PSME4: variants seen among roughly 807,000 people sequenced by gnomAD.
PSME4 encodes the protein proteasome activator complex subunit 4.
PSME4 carries 89 observed loss-of-function variants against 253.9 expected under a neutral mutation model. The ratio of observed to expected loss-of-function variants is 0.35; its 90% CI spans 0.30 to 0.42. The LOEUF is 0.42. Ranked by LOEUF, PSME4 falls within the 10% of genes least tolerant of loss-of-function variation. PSME4 has a pLI of 1.00. For missense variants in PSME4, 2,014 were observed against 2,195.2 expected (o/e 0.92, Z 1.65); for synonymous variants, 851 against 759.2 (o/e 1.12, Z -1.99).
Position 53,923,093 on chromosome 2 carries a change from A to C in PSME4, c.1934T>G (p.Leu645Arg). Reference protein sequence around the residue: ...VKCCPEESLKLFVPHCCSVIT... With the variant: ...VKCCPEESLKRFVPHCCSVIT... ...AACACTGCAGCAGTGGGGAACAAAGAGCTTCAAAGATTCTTCTGGGCAGCA... is the reference window on the plus strand; with the variant it reads ...AACACTGCAGCAGTGGGGAACAAAGCGCTTCAAAGATTCTTCTGGGCAGCA... Residue 645 changes from leucine (L) to arginine (R), a missense_variant, in exon 16 of 47, where the codon CTC becomes CGC. Transcript: ENST00000404125. The C allele has an allele frequency of 6.2e-7, 1 of 1,608,446 alleles. No individual in the cohort carries two copies. The highest frequency in any genetic ancestry group is 2.2e-5 in the East Asian group (1 of 44,730).
chr2:53,890,972 A>G (rs1301473393), intron 36 of PSME4, among the ~76,000 whole-genome samples: 1 of 152,196 alleles, frequency 6.6e-6, no homozygotes, highest in Admixed American at 6.5e-5. Flanking sequence ...GGTTGCAGTG[A>G]GCCGAGATCA....
chr2:53,908,891 A>T, intron 21 of PSME4, 51 bp from the exon 22 acceptor site: 1 of 1,374,492 alleles, frequency 7.3e-7, no homozygotes, highest in South Asian at 1.2e-5. Flanking sequence ...TGCTCCTCAG[A>T]CTTTTAAAGT....
At chr2:53,867,738 T>C (rs1168496870) in intron 44 of PSME4, among the ~76,000 whole-genome samples, 1 of 150,896 alleles carries the variant, frequency 6.6e-6, no homozygotes, top group Non-Finnish European at 1.5e-5. Flanking sequence ...AGCATAATTG[T>C]ACCTAGGCCA....
intron 41 of PSME4, among the ~76,000 whole-genome samples, chr2:53,879,955 TA>T (rs1388363860): frequency 1.3e-5 from 2 of 152,158 alleles, no homozygotes; most frequent in Non-Finnish European, 2.9e-5. Context: ...AATTGTGTTT[TA>T]AAAGGTTAAA....
Position 53,887,920 on chromosome 2 carries a change from T to C in PSME4, c.4458A>G (p.Leu1486=). The change falls in exon 39 of 47, where the codon CTA becomes CTG. Residue 1486 remains leucine, a synonymous_variant. Coordinates refer to ENST00000404125, the MANE Select transcript of PSME4 (RefSeq NM_014614.3). ...EWRVPELLHR[L]LKYLEPKLTQ... is the part of the protein sequence containing the mutation. The stretch of plus-strand genomic sequence containing the variant: ...TGAGTTTGGGTTCCAAGTACTTCAG[T>C]AGTCTGTGCAATAGTTCAGGCACTC... The C allele has an allele frequency of 6.2e-7, 1 of 1,606,868 alleles. No individual in the cohort carries two copies. Among genetic ancestry groups the C allele is most frequent in the Non-Finnish European group, 8.5e-7 (1 of 1,173,550 alleles).
At chr2:53,959,893 C>CAAATA (rs1292219010) in intron 1 of PSME4, among the ~76,000 whole-genome samples, 1 of 152,156 alleles carries the variant, frequency 6.6e-6, no homozygotes, top group Admixed American at 6.5e-5. Context: ...ATAAGACAGT[C>CAAATA]AGATATGACA....
In PSME4 at chr2:53,874,602, T is replaced by G. The variant is rs1169801194; in HGVS notation, c.4945-108A>C. 4 of 1,116,866 alleles carry G rather than the reference T, an allele frequency of 3.6e-6. No individual in the cohort carries two copies. In the Admixed American group the frequency reaches 7.5e-5, roughly 21 times the overall value. The allele number at this position is 1,116,866 out of a possible 1,614,324, so 69.2% of individuals were successfully genotyped here. A position where few individuals can be genotyped will look rare whatever the true frequency, so the allele number is the denominator to read the frequency against. ...ATGTAATATTCTAATTTAACTCTAT[T>G]TACACAGGTATAGTTAGGACAAGCT... On this transcript the variant is annotated intron_variant, in intron 42 of 46. Coordinates refer to ENST00000404125, the MANE Select transcript of PSME4 (RefSeq NM_014614.3).
chr2:53,966,617 C>G (rs1384111007), intron 1 of PSME4, among the ~76,000 whole-genome samples: 3 of 151,956 alleles, frequency 2.0e-5, no homozygotes, highest in African/African-American at 7.3e-5. Flanking sequence ...ACCTCACGTA[C>G]AGATAACCTG....
chr2:53,913,408 T>A (rs1358980636), intron 20 of PSME4, among the ~76,000 whole-genome samples: 1 of 152,162 alleles, frequency 6.6e-6, no homozygotes, highest in African/African-American at 2.4e-5. Flanking sequence ...AAACAAAATA[T>A]ATAATACAAA....
At chr2:53,905,015 T>C (rs369402232) in intron 26 of PSME4, among the ~76,000 whole-genome samples, 1 of 146,384 alleles carries the variant, frequency 6.8e-6, no homozygotes. Flanking sequence ...GTTTGAAATA[T>C]GTACAATGTG....
chr2:53,969,533 C>A (rs555652321), intron 1 of PSME4, among the ~76,000 whole-genome samples: 2 of 152,294 alleles, frequency 1.3e-5, no homozygotes, highest in African/African-American at 2.4e-5. Flanking sequence ...CCCGTCCATA[C>A]CCACATGCGT....
At chr2:53,900,130 T>C (rs962013131) in intron 28 of PSME4, 113 bp from the exon 29 acceptor site, 6 of 964,916 alleles carry the variant, frequency 6.2e-6, no homozygotes, top group Non-Finnish European at 9.1e-6. Flanking sequence ...AGTCCACATA[T>C]TTTACGATTC....
intron 1 of PSME4, among the ~76,000 whole-genome samples, chr2:53,960,448 G>C (rs1670434728): frequency 6.7e-6 from 1 of 150,312 alleles, no homozygotes; most frequent in African/African-American, 2.4e-5. Context: ...TAGAGGAGCA[G>C]ATTAAGAATG....
intron 1 of PSME4, among the ~76,000 whole-genome samples, chr2:53,951,175 T>C (rs577153806): frequency 3.9e-5 from 6 of 152,126 alleles, no homozygotes; most frequent in Admixed American, 2.6e-4. Context: ...CTCTGCCTCC[T>C]GGATTCAAGC....
At chr2:53,896,691 G>T in intron 32 of PSME4, 113 bp downstream of exon 32, 3 of 735,802 alleles carry the variant, frequency 4.1e-6, no homozygotes, top group African/African-American at 1.8e-5. Context: ...TTTATATTTT[G>T]TGTTAATATC....
intron 17 of PSME4, among the ~76,000 whole-genome samples, chr2:53,921,774 AGGAGAATGGC>A (rs1263868509): frequency 1.4e-5 from 2 of 139,712 alleles, no homozygotes; most frequent in Non-Finnish European, 3.1e-5. Flanking sequence ...AGGCTGAGGC[AGGAGAATGGC>A]GTGAACCCGG....
intron 41 of PSME4, among the ~76,000 whole-genome samples, chr2:53,881,888 G>T (rs1417775322): frequency 6.6e-6 from 1 of 151,994 alleles, no homozygotes; most frequent in Admixed American, 6.6e-5. Flanking sequence ...CCAACCTAAA[G>T]GCAGGATTTT....
chr2:53,903,992 T>A, intron 27 of PSME4, 33 bp downstream of exon 27: 1 of 1,545,890 alleles, frequency 6.5e-7, no homozygotes, highest in Non-Finnish European at 8.8e-7. Context: ...TGTTTGAAAA[T>A]GTTTACAGTA....
At chr2:53,878,764 T>C (rs556309358) in intron 41 of PSME4, among the ~76,000 whole-genome samples, 1 of 152,334 alleles carries the variant, frequency 6.6e-6, no homozygotes, top group Admixed American at 6.5e-5. Context: ...TGGTCTGCTC[T>C]AAAACCCCAT....
Sources: allele counts gnomAD v4.1 joint callset (sites outside exome capture counted in the v4.1 genomes callset), GRCh38; gene constraint gnomAD v4.1.1; transcripts MANE v1.5; gene names NCBI Gene and HGNC (gene_info 2026-07-23, HGNC 2026-07-21).